MED19: variants seen among roughly 807,000 people sequenced by gnomAD.
The protein encoded by MED19 is mediator of RNA polymerase II transcription subunit 19.
In MED19, 4 loss-of-function variants were observed where a neutral mutation model predicts 19.9. That is an observed-to-expected ratio of 0.20 (90% CI 0.10 to 0.46). The LOEUF (loss-of-function observed/expected upper bound fraction) is 0.46, where lower values mean the gene tolerates loss of function less well. MED19 is among the 20% of genes least tolerant of loss of function. MED19 has a pLI of 0.99. For synonymous variants in MED19, 139 were observed against 119.6 expected (o/e 1.16, Z -1.06); for missense variants, 303 against 318.7 (o/e 0.95, Z 0.38).
At chr11:57,706,587 A>G (rs1473687202) in intron 1 of MED19, among the ~76,000 whole-genome samples, 1 of 152,018 alleles carries the variant, frequency 6.6e-6, no homozygotes, top group African/African-American at 2.4e-5. Context: ...CCTGGCCAAC[A>G]TGGTGAAACC....
At chr11:57,704,774 C>T in exon 3 of MED19, 6 of 1,566,264 alleles carry the variant, frequency 3.8e-6, no homozygotes, top group Non-Finnish European at 5.2e-6. Flanking sequence ...TATTCTTCTT[C>T]TTGGGAGGCT....
intron 1 of MED19, 68 bp downstream of exon 1, chr11:57,711,895 T>G: frequency 7.3e-7 from 1 of 1,372,126 alleles, no homozygotes; most frequent in Non-Finnish European, 9.5e-7. Flanking sequence ...GCTAGCCGGC[T>G]GAGAGCCACG....
chr11:57,704,042 C>T (rs1279642829), exon 5 of MED19: 9 of 1,536,014 alleles, frequency 5.9e-6, no homozygotes, highest in African/African-American at 1.4e-5. Context: ...GTCCTATTAG[C>T]GTAGGCTGCT....
At chr11:57,705,043 G>C in exon 2 of MED19, 1 of 1,614,118 alleles carries the variant, frequency 6.2e-7, no homozygotes, top group Non-Finnish European at 8.5e-7. Context: ...ACTGAGAATA[G>C]GGGGCTTCTC....
chr11:57,710,272 C>T (rs1946550233), intron 1 of MED19, among the ~76,000 whole-genome samples: 2 of 152,106 alleles, frequency 1.3e-5, no homozygotes, highest in South Asian at 2.1e-4. Flanking sequence ...TGAGGTGGGA[C>T]GACAGCATGA....
intron 1 of MED19, among the ~76,000 whole-genome samples, chr11:57,709,343 T>C (rs1033757986): frequency 2.6e-5 from 4 of 151,536 alleles, no homozygotes; most frequent in Non-Finnish European, 5.9e-5. Context: ...ATTGTGCCAT[T>C]GCACTCCAGC....
At chr11:57,705,752 T>C (rs1053630699) in intron 1 of MED19, among the ~76,000 whole-genome samples, 4 of 151,518 alleles carry the variant, frequency 2.6e-5, no homozygotes, top group Non-Finnish European at 4.4e-5. Flanking sequence ...AAAAATCCAA[T>C]AGGGCAGAGA....
intron 1 of MED19, among the ~76,000 whole-genome samples, chr11:57,711,388 G>C (rs1946596297): frequency 6.6e-6 from 1 of 151,886 alleles, no homozygotes; most frequent in African/African-American, 2.4e-5. Context: ...ACGGAGTCTC[G>C]TTCGCCCAGG....
chr11:57,703,769 A>T, exon 5 of MED19: 1 of 421,582 alleles, frequency 2.4e-6, no homozygotes, highest in Non-Finnish European at 4.1e-6. Context: ...GTCCTAAATC[A>T]GACAAATTGC....
chr11:57,707,023 C>A (rs1433193908), intron 1 of MED19, among the ~76,000 whole-genome samples: 2 of 152,034 alleles, frequency 1.3e-5, no homozygotes, highest in African/African-American at 4.8e-5. Flanking sequence ...TATGGTGAAA[C>A]CCCATCTCTA....
chr11:57,711,958 C>A lies in MED19; in HGVS notation c.217+5G>T. On this transcript the variant is annotated splice_donor_5th_base_variant and intron_variant, in intron 1 of 4. Coordinates refer to ENST00000431606, the Ensembl canonical transcript of MED19. The stretch of plus-strand genomic sequence containing the variant: ...TGGCTGGCTTTGGCAAGGCCGAGTA[C>A]TCACCTGGCAGTTCCCTCATGAGGT... The A allele has an allele frequency of 6.9e-7, 1 of 1,442,004 alleles. No individual in the cohort carries two copies. Among genetic ancestry groups the A allele is most frequent in the Admixed American group, 2.8e-5 (1 of 35,356 alleles). The allele number at this position is 1,442,004 out of a possible 1,614,324, so 89.3% of individuals were successfully genotyped here.
intron 3 of MED19, 65 bp from the exon 4 acceptor site, chr11:57,704,461 G>A: frequency 6.5e-7 from 1 of 1,538,078 alleles, no homozygotes; most frequent in South Asian, 1.2e-5. Context: ...ATGAACCACT[G>A]AAGACTACAG....
intron 1 of MED19, among the ~76,000 whole-genome samples, chr11:57,709,622 A>G (rs948640174): frequency 2.0e-5 from 3 of 152,200 alleles, no homozygotes; most frequent in African/African-American, 7.2e-5. Flanking sequence ...CAGTGGCACA[A>G]TCATGGCTCA....
chr11:57,705,042 AG>A lies in MED19; in HGVS notation c.404del (p.Pro135LeufsTer31). 6.2e-7 allele frequency: 1 copy of A among 1,614,174 alleles called. No homozygotes were observed. Among genetic ancestry groups the A allele is most frequent in the Non-Finnish European group, 8.5e-7 (1 of 1,180,026 alleles). On this transcript the variant is annotated frameshift_variant, in exon 2 of 5. Coordinates refer to ENST00000431606, the Ensembl canonical transcript of MED19. LOFTEE classifies it high-confidence loss of function. ...TAGGATTGAAAGAGCTACTGAGAAT[AG>A]GGGGCTTCTCAATGAGAGAGCGGAG... is the stretch of plus-strand genomic sequence containing the variant.
At chr11:57,703,867 T>G in exon 5 of MED19, 1 of 1,002,974 alleles carries the variant, frequency 1.0e-6, no homozygotes, top group East Asian at 2.8e-5. Context: ...TACAAAAGCA[T>G]GTCCCTCTCT....
At chr11:57,703,981 A>T in exon 5 of MED19, 2 of 1,530,436 alleles carry the variant, frequency 1.3e-6, no homozygotes. Context: ...GGCAGCTTTT[A>T]TCAGCAGGTT....
intron 2 of MED19, 34 bp downstream of exon 2, chr11:57,704,939 T>A: frequency 6.2e-7 from 1 of 1,606,462 alleles, no homozygotes; most frequent in African/African-American, 1.3e-5. Flanking sequence ...TGTTTAGGCC[T>A]CCCCATTTGC....
intron 1 of MED19, among the ~76,000 whole-genome samples, chr11:57,706,664 C>T (rs948925917): frequency 2.0e-5 from 3 of 151,756 alleles, no homozygotes; most frequent in East Asian, 2.0e-4. Context: ...CCCTGCGAGG[C>T]GGAGGTTGCA....
Position 57,704,954 on chromosome 11 carries a change from T to C in MED19, c.474+19A>G, listed in dbSNP as rs372894712. Reference sequence around the variant, plus strand: ...TGTTTAGGCCTCCCCATTTGCCTTCTTCCTCCAACAGGACTCACCGGGCCA... The same window carrying C: ...TGTTTAGGCCTCCCCATTTGCCTTCCTCCTCCAACAGGACTCACCGGGCCA... On this transcript the variant is annotated intron_variant, in intron 2 of 4. Coordinates refer to ENST00000431606, the Ensembl canonical transcript of MED19. The C allele has an allele frequency of 1.2e-5, 20 of 1,608,478 alleles. No individual in the cohort carries two copies. The highest frequency in any genetic ancestry group is 2.7e-5 in the African/African-American group (2 of 74,680).
Sources: gnomAD v4.1 joint callset for allele counts (sites outside exome capture counted in the v4.1 genomes callset) on GRCh38, gnomAD v4.1.1 for gene constraint, MANE v1.5 for transcripts, NCBI Gene and HGNC (gene_info 2026-07-23, HGNC 2026-07-21) for gene names.